The following GRM3 variants were observed in gnomAD, a reference collection of about 807,000 sequenced individuals.
GRM3 encodes glutamate metabotropic receptor 3, also known as metabotropic glutamate receptor 3.
GRM3 carries 26 observed loss-of-function variants against 70.5 expected under a neutral mutation model. The ratio of observed to expected loss-of-function variants is 0.37; its 90% confidence interval spans 0.27 to 0.51. The LOEUF is 0.51. Ranked by LOEUF, GRM3 falls within the 20% of genes least tolerant of loss-of-function variation. The pLI, the probability that GRM3 is intolerant of heterozygous loss-of-function variation, is 0.93. For synonymous variants in GRM3, 443 were observed against 434.9 expected (o/e 1.02, Z -0.23); for missense variants, 859 against 1,123.8 (o/e 0.76, Z 3.37).
chr7:86,792,438 T>A (rs953925531), intron 3 of GRM3, among the ~76,000 whole-genome samples: 3 of 152,326 alleles, frequency 2.0e-5, no homozygotes. Context: ...ACATCCAATG[T>A]CACGTAGGCA....
chr7:86,805,426 C>A (rs1207766950), intron 3 of GRM3, among the ~76,000 whole-genome samples: 1 of 152,128 alleles, frequency 6.6e-6, no homozygotes, highest in Non-Finnish European at 1.5e-5. Flanking sequence ...AGTTAATGAA[C>A]CAACATTGAC....
rs1363397193 is a variant in GRM3, at chr7:86,721,016, A to C, written c.-140-43990A>C. Among the ~76,000 whole-genome samples, 3 of 152,072 alleles carry C rather than the reference A, an allele frequency of 2.0e-5. No homozygotes were observed. In the East Asian group the frequency reaches 5.8e-4, roughly 29 times the overall value. On this transcript the variant is annotated intron_variant, in intron 1 of 5. Coordinates refer to ENST00000361669, the MANE Select transcript of GRM3 (RefSeq NM_000840.3). ...GAGCAGACAGGAGGCTGATTTAGGTAGCTTGATCAAGCCTTTGCTTGCCTC... is the reference window on the plus strand; with the variant it reads ...GAGCAGACAGGAGGCTGATTTAGGTCGCTTGATCAAGCCTTTGCTTGCCTC...
chr7:86,696,613 C>T (rs1025086357), intron 1 of GRM3, among the ~76,000 whole-genome samples: 6 of 152,148 alleles, frequency 3.9e-5, no homozygotes, highest in Admixed American at 3.3e-4. Flanking sequence ...AATATACCAT[C>T]AGTACCTTCT....
At chr7:86,649,648 T>G (rs1392534904) in intron 1 of GRM3, among the ~76,000 whole-genome samples, 2 of 151,686 alleles carry the variant, frequency 1.3e-5, no homozygotes, top group Non-Finnish European at 2.9e-5. Flanking sequence ...CTAAACAGAT[T>G]AAAAAAAATC....
chr7:86,764,745 T>C (rs1025537824), intron 1 of GRM3, among the ~76,000 whole-genome samples: 3 of 151,920 alleles, frequency 2.0e-5, no homozygotes, highest in African/African-American at 4.8e-5. Context: ...CCAAACCCAA[T>C]CTGCAATAAG....
At position 86,864,492 on chromosome 7, in the gene GRM3, A is replaced by C; in HGVS notation, c.*137A>C. The C allele has an allele frequency of 1.4e-6, 1 of 702,362 alleles. No homozygotes were observed. Among genetic ancestry groups the C allele is most frequent in the Non-Finnish European group, 2.6e-6 (1 of 381,176 alleles). The allele number at this position is 702,362 out of a possible 1,614,324, so 43.5% of individuals were successfully genotyped here. ...GAAACAGTACGATAAATTATTTTTG[A>C]GGACTGTATATAGTGATGTGCTAGA... On this transcript the variant is annotated 3_prime_UTR_variant, in exon 6 of 6. Coordinates refer to ENST00000361669, the MANE Select transcript of GRM3 (RefSeq NM_000840.3).
rs146928659 is a variant in GRM3, at chr7:86,764,305, T to A, written c.-140-701T>A. Among the ~76,000 whole-genome samples the A allele has an allele frequency of 1.2e-3, 186 of 152,144 alleles. 2 individuals carry two copies. The highest frequency in any genetic ancestry group is 4.3e-3 in the African/African-American group (178 of 41,516). On this transcript the variant is annotated intron_variant, in intron 1 of 5. Transcript: ENST00000361669. Reference sequence around the variant, plus strand: ...AAGATGAAGCATGATAACAGAAACCTAGGAAGTTGTAATAGGTAGAGAATA... The same window carrying A: ...AAGATGAAGCATGATAACAGAAACCAAGGAAGTTGTAATAGGTAGAGAATA...
intron 1 of GRM3, among the ~76,000 whole-genome samples, chr7:86,656,073 C>T (rs1178229209): frequency 1.3e-5 from 2 of 151,864 alleles, no homozygotes; most frequent in African/African-American, 4.8e-5. Context: ...ACCTTCAGTC[C>T]ACAGGAAACA....
chr7:86,671,077 C>A (rs1773171222), intron 1 of GRM3, among the ~76,000 whole-genome samples: 1 of 152,192 alleles, frequency 6.6e-6, no homozygotes, highest in African/African-American at 2.4e-5. Flanking sequence ...GTCTCCCAGG[C>A]TGGAGTGCAA....
In GRM3 at chr7:86,786,447, G is replaced by A. The variant is rs1797247486; in HGVS notation, c.655G>A (p.Glu219Lys). ...GACCTACGTGTCCACAGTAGCCTCC[G>A]AGGGTGATTACGGGGAGACAGGGAT... ...NWTYVSTVAS[E>K]GDYGETGIEA... Residue 219 changes from glutamate (E) to lysine (K), a missense_variant, in exon 3 of 6, where the codon GAG (glutamate) becomes AAG (lysine). By Grantham distance (56) the Glu-to-Lys change is moderately conservative. Transcript: ENST00000361669. This position sits in a 1 kb window ranked among gnomAD's most constrained non-coding sequence, Gnocchi z 6.0. 6.2e-7 allele frequency: 1 copy of A among 1,614,214 alleles called. No homozygotes were observed. Among genetic ancestry groups the A allele is most frequent in the Non-Finnish European group, 8.5e-7 (1 of 1,180,028 alleles).
chr7:86,808,192 T>C (rs1425225573), intron 3 of GRM3, among the ~76,000 whole-genome samples: 1 of 152,132 alleles, frequency 6.6e-6, no homozygotes, highest in African/African-American at 2.4e-5. Flanking sequence ...TCAGGGATAT[T>C]GGTCTAAAAT....
intron 3 of GRM3, among the ~76,000 whole-genome samples, chr7:86,810,092 G>T (rs1797879840): frequency 6.6e-6 from 1 of 152,048 alleles, no homozygotes; most frequent in Non-Finnish European, 1.5e-5. Context: ...AACTAGCACT[G>T]TTGCCTTTTC....
chr7:86,764,590 A>G (rs994174760), intron 1 of GRM3, among the ~76,000 whole-genome samples: 1 of 152,130 alleles, frequency 6.6e-6, no homozygotes, highest in Non-Finnish European at 1.5e-5. Context: ...AAAAAAGGTA[A>G]GTTTACAAAT....
intron 1 of GRM3, among the ~76,000 whole-genome samples, chr7:86,750,515 T>C (rs1380597768): frequency 6.6e-6 from 1 of 152,018 alleles, no homozygotes; most frequent in Non-Finnish European, 1.5e-5. Context: ...GTTATCTTAG[T>C]GTTTCCTAGC....
chr7:86,791,419 T>A (rs139087092), intron 3 of GRM3, among the ~76,000 whole-genome samples: 162 of 152,342 alleles, frequency 1.1e-3, no homozygotes, highest in Non-Finnish European at 1.8e-3. Context: ...TTATATTCTA[T>A]CATTTCATTT....
Position 86,844,109 on chromosome 7 carries a change from G to A in GRM3, c.2391+4204G>A, listed in dbSNP as rs11976963. On this transcript the variant is annotated intron_variant, in intron 4 of 5. Transcript: ENST00000361669. The stretch of plus-strand genomic sequence containing the variant: ...ATTTACCTAGAGTAGGCAGAGTCTT[G>A]GGAATTGACTCTAGAATTTTGACAA... 4.4e-3 allele frequency among the ~76,000 whole-genome samples: 666 copies of A among 152,212 alleles called. 9 individuals carry two copies. The highest frequency in any genetic ancestry group is 0.015 in the African/African-American group (635 of 41,544).
At chr7:86,852,980 A>G (rs1170091955) in intron 5 of GRM3, among the ~76,000 whole-genome samples, 3 of 152,194 alleles carry the variant, frequency 2.0e-5, no homozygotes, top group African/African-American at 7.2e-5. Context: ...AGTATTTCAT[A>G]TCAAGAAATT....
intron 3 of GRM3, among the ~76,000 whole-genome samples, chr7:86,821,757 T>C (rs1292772527): frequency 6.6e-6 from 1 of 152,132 alleles, no homozygotes; most frequent in Non-Finnish European, 1.5e-5. Context: ...AAAGAGATTG[T>C]TTATGGTCAA....
At chr7:86,765,986 T>C (rs938013654) in intron 2 of GRM3, among the ~76,000 whole-genome samples, 2 of 152,142 alleles carry the variant, frequency 1.3e-5, no homozygotes, top group African/African-American at 2.4e-5. Flanking sequence ...GAATCGATCA[T>C]CTAGCCCAGG....
Sources: gnomAD v4.1 joint callset for allele counts (sites outside exome capture counted in the v4.1 genomes callset) on GRCh38, gnomAD v4.1.1 for gene constraint, Gnocchi (gnomAD v3.1) non-coding constraint, MANE v1.5 for transcripts, NCBI Gene and HGNC (gene_info 2026-07-23, HGNC 2026-07-21) for gene names.